Variants in RAB3C observed in about 807,000 individuals in gnomAD.
The protein encoded by RAB3C is RAB3C, member RAS oncogene family, also known as ras-related protein Rab-3C.
A neutral mutation model predicts 26.4 loss-of-function variants in RAB3C; 17 were observed. The ratio of observed to expected loss-of-function variants is 0.64; its 90% CI spans 0.44 to 0.97. The LOEUF is 0.97. Ranked by LOEUF, RAB3C falls within the 50% of genes least tolerant of loss-of-function variation. The pLI is 0.00. For missense variants in RAB3C, 242 were observed against 281.9 expected, an observed-to-expected ratio of 0.86 and a Z score of 1.01; for synonymous variants, 91 against 95.9, an observed-to-expected ratio of 0.95 and a Z score of 0.30.
chr5:58,823,176 T>G, intron 3 of RAB3C: 1 of 344,724 alleles, frequency 2.9e-6, no homozygotes, highest in Non-Finnish European at 5.6e-6. Flanking sequence ...AAGAAACGGT[T>G]CTTTCCGTTC....
intron 1 of RAB3C, among the ~76,000 whole-genome samples, chr5:58,605,517 C>T (rs933207135): frequency 2.0e-5 from 3 of 152,138 alleles, no homozygotes; most frequent in African/African-American, 7.2e-5. Flanking sequence ...ATCACTGCCC[C>T]TTGTAATTGG....
intron 4 of RAB3C, among the ~76,000 whole-genome samples, chr5:58,827,657 T>C (rs895826303): frequency 6.6e-6 from 1 of 152,202 alleles, no homozygotes. Context: ...GTTCAAGTTC[T>C]TCCAGTGGTT....
At chr5:58,685,415 A>T (rs2111848207) in intron 2 of RAB3C, among the ~76,000 whole-genome samples, 1 of 152,168 alleles carries the variant, frequency 6.6e-6, no homozygotes, top group East Asian at 1.9e-4. Flanking sequence ...TCTCTCTTTA[A>T]CTTTCTGTCG....
At chr5:58,591,942 A>C (rs1222247537) in intron 1 of RAB3C, among the ~76,000 whole-genome samples, 4 of 140,130 alleles carry the variant, frequency 2.9e-5, no homozygotes, top group African/African-American at 1.1e-4. Context: ...CTTGTTGCGC[A>C]GGCTGGAGTG....
chr5:58,790,839 A>C (rs72762127), intron 3 of RAB3C, among the ~76,000 whole-genome samples: 1 of 152,140 alleles, frequency 6.6e-6, no homozygotes, highest in Non-Finnish European at 1.5e-5. Context: ...ATTGGCCCAC[A>C]TAACTGAAGG....
At chr5:58,823,125 AT>A (rs1326894272) in intron 3 of RAB3C, 3 of 420,174 alleles carry the variant, frequency 7.1e-6, no homozygotes, top group Admixed American at 3.0e-5. Context: ...AATGATGCAG[AT>A]TACATGCATT....
At chr5:58,722,468 A>G (rs892656198) in intron 2 of RAB3C, among the ~76,000 whole-genome samples, 1 of 151,826 alleles carries the variant, frequency 6.6e-6, no homozygotes, top group Non-Finnish European at 1.5e-5. Flanking sequence ...TTACTTTACA[A>G]TAGGCAAAAT....
intron 4 of RAB3C, among the ~76,000 whole-genome samples, chr5:58,840,205 C>T (rs1446336930): frequency 6.6e-6 from 1 of 151,358 alleles, no homozygotes; most frequent in Non-Finnish European, 1.5e-5. Flanking sequence ...TTTCAAAAGC[C>T]CTGTCTTCAA....
At chr5:58,596,278 T>A (rs946388487) in intron 1 of RAB3C, among the ~76,000 whole-genome samples, 4 of 151,510 alleles carry the variant, frequency 2.6e-5, no homozygotes, top group African/African-American at 9.7e-5. Context: ...TCTTGTGAGG[T>A]TTTTCAGCAG....
intron 2 of RAB3C, among the ~76,000 whole-genome samples, chr5:58,631,273 T>A (rs1747179350): frequency 6.6e-6 from 1 of 152,106 alleles, no homozygotes; most frequent in Admixed American, 6.5e-5. Context: ...CCTTCCTCCA[T>A]CCTCCATTTG....
intron 1 of RAB3C, among the ~76,000 whole-genome samples, chr5:58,593,714 A>G (rs1026756076): frequency 3.9e-5 from 6 of 152,186 alleles, no homozygotes; most frequent in African/African-American, 1.4e-4. Flanking sequence ...CAACACCAAC[A>G]TGTTTCAGAT....
chr5:58,716,091 GAA>G (rs35992106), intron 2 of RAB3C, among the ~76,000 whole-genome samples: 24 of 141,592 alleles, frequency 1.7e-4, no homozygotes, highest in Middle Eastern at 3.7e-3. Context: ...CTTTCAGCAG[GAA>G]AAAAAAAAAA....
intron 2 of RAB3C, among the ~76,000 whole-genome samples, chr5:58,629,530 A>C (rs1747144416): frequency 6.6e-6 from 1 of 152,232 alleles, no homozygotes; most frequent in Non-Finnish European, 1.5e-5. Context: ...GAAATAAACA[A>C]AAGACCAGCC....
chr5:58,588,310 A>C (rs568811522), intron 1 of RAB3C, among the ~76,000 whole-genome samples: 1 of 152,322 alleles, frequency 6.6e-6, no homozygotes, highest in South Asian at 2.1e-4. Flanking sequence ...AGGACCGGCA[A>C]TTCTCACCAG....
chr5:58,619,169 C>T (rs941967143), intron 2 of RAB3C, among the ~76,000 whole-genome samples: 1 of 152,260 alleles, frequency 6.6e-6, no homozygotes, highest in East Asian at 1.9e-4. Flanking sequence ...TTTACTTGTT[C>T]TAACTCTAGA....
At position 58,760,999 on chromosome 5, in the gene RAB3C, A is replaced by G. The variant is rs796420714; in HGVS notation, c.371+34879A>G. Among the ~76,000 whole-genome samples, 17 of 152,122 alleles carry G rather than the reference A, an allele frequency of 1.1e-4. 1 individual carries two copies. Among genetic ancestry groups the G allele is most frequent in the African/African-American group, 4.1e-4 (17 of 41,518 alleles). ...TATTTGTGCATTTTAAATGCAGTTTATAGAACATGAGTTATATATGATCAC... is the reference window on the plus strand; with the variant it reads ...TATTTGTGCATTTTAAATGCAGTTTGTAGAACATGAGTTATATATGATCAC... On this transcript the variant is annotated intron_variant, in intron 3 of 4. Coordinates refer to ENST00000282878, the MANE Select transcript of RAB3C (RefSeq NM_138453.4).
rs756565885 is a variant in RAB3C at position 58,617,849 on chromosome 5, G to T, written c.231G>T (p.Lys77Asn). The T allele has an allele frequency of 6.2e-7, 1 of 1,610,586 alleles. No homozygotes were observed. The highest frequency in any genetic ancestry group is 8.5e-7 in the Non-Finnish European group (1 of 1,177,594). The change falls in exon 2 of 5, where the codon AAG becomes AAT. Residue 77 changes from lysine to asparagine, a missense_variant. Lys to Asn is a moderately conservative substitution (Grantham distance 94). Transcript: ENST00000282878. Reference sequence around the variant, plus strand: ...TAAAAACTGTATTCAAAAATGAAAAGAGAATCAAGCTTCAGATTTGGGTAA... The same window carrying T: ...TAAAAACTGTATTCAAAAATGAAAATAGAATCAAGCTTCAGATTTGGGTAA... ...FKVKTVFKNE[K>N]RIKLQIWDTA...
intron 3 of RAB3C, among the ~76,000 whole-genome samples, chr5:58,820,860 A>G (rs757484828): frequency 6.6e-6 from 1 of 152,206 alleles, no homozygotes; most frequent in Non-Finnish European, 1.5e-5. Context: ...TTGTATGTGC[A>G]TAAATGTATA....
At chr5:58,810,415 GTT>G in intron 3 of RAB3C, among the ~76,000 whole-genome samples, 1 of 149,466 alleles carries the variant, frequency 6.7e-6, no homozygotes, top group East Asian at 2.0e-4. Flanking sequence ...GTGTGTGTGT[GTT>G]TTCTTAGAAG....
Sources: allele counts gnomAD v4.1 joint callset (sites outside exome capture counted in the v4.1 genomes callset), GRCh38; gene constraint gnomAD v4.1.1; transcripts MANE v1.5; gene names NCBI Gene and HGNC (gene_info 2026-07-23, HGNC 2026-07-21).